PLCB1: variants seen among roughly 807,000 people sequenced by gnomAD.
PLCB1 encodes 1-phosphatidylinositol 4,5-bisphosphate phosphodiesterase beta-1.
A neutral mutation model predicts 161.8 loss-of-function variants in PLCB1; 46 were observed. The observed-to-expected ratio is 0.28, with a 90% CI of 0.22 to 0.36. The LOEUF (loss-of-function observed/expected upper bound fraction) is 0.36. Among genes scored for constraint, PLCB1 ranks in the 10% least tolerant of loss-of-function variants. PLCB1 has a pLI of 1.00. For missense variants in PLCB1, 1,016 were observed against 1,472.5 expected (o/e 0.69, Z 5.07); for synonymous variants, 517 against 503.7 (o/e 1.03, Z -0.35).
At position 8,607,672 on chromosome 20, in the gene PLCB1, ACTT is replaced by A. The variant is rs1261543808; in HGVS notation, c.247-20616_247-20614del. On this transcript the variant is annotated intron_variant, in intron 3 of 31. Transcript: ENST00000338037. ...TTACCCCATTTTATTTTCATCATTG[ACTT>A]CTTCTCTGAAATGTTCTTGTTCATT... 5.3e-5 allele frequency among the ~76,000 whole-genome samples: 8 copies of A among 151,992 alleles called. No individual in the cohort carries two copies. In the East Asian group the frequency reaches 9.7e-4, roughly 18 times the overall value.
chr20:8,331,260 C>G (rs1470841354), intron 2 of PLCB1, among the ~76,000 whole-genome samples: 6 of 151,904 alleles, frequency 3.9e-5, no homozygotes, highest in Non-Finnish European at 7.4e-5. Context: ...GTTTTACAGA[C>G]AAAGACTTGC....
Position 8,264,653 on chromosome 20 carries a change from A to G in PLCB1, c.178-106729A>G, listed in dbSNP as rs1371718330. On this transcript the variant is annotated intron_variant, in intron 2 of 31. Transcript: ENST00000338037. Reference sequence around the variant, plus strand: ...TAGGAATTTTTTCAGCTCTGTTATAATCTTATGGGACCACTATCATATAGG... The same window carrying G: ...TAGGAATTTTTTCAGCTCTGTTATAGTCTTATGGGACCACTATCATATAGG... 3.9e-5 allele frequency among the ~76,000 whole-genome samples: 6 copies of G among 152,068 alleles called. No homozygotes were observed. The East Asian group carries it at 1.2e-3, about 29-fold the overall frequency.
chr20:8,213,691 T>G (rs1285552172), intron 2 of PLCB1, among the ~76,000 whole-genome samples: 1 of 151,532 alleles, frequency 6.6e-6, no homozygotes, highest in Non-Finnish European at 1.5e-5. Context: ...GTGGTGGTGG[T>G]GGTGTGTGTG....
chr20:8,530,195 T>C (rs1338556788), intron 3 of PLCB1, among the ~76,000 whole-genome samples: 1 of 152,130 alleles, frequency 6.6e-6, no homozygotes. Context: ...TCTGTTGAGT[T>C]TCTTGGATTT....
chr20:8,344,411 A>G (rs140694574), intron 2 of PLCB1, among the ~76,000 whole-genome samples: 2 of 152,310 alleles, frequency 1.3e-5, no homozygotes, highest in African/African-American at 4.8e-5. Flanking sequence ...TTGGGTGGGA[A>G]CAGTCACTTT....
intron 2 of PLCB1, among the ~76,000 whole-genome samples, chr20:8,163,441 G>C (rs916710554): frequency 1.3e-5 from 2 of 152,182 alleles, no homozygotes; most frequent in Non-Finnish European, 2.9e-5. Context: ...CTGTCCGTTG[G>C]CATACATGAA....
At chr20:8,697,085 T>C (rs1990600612) in intron 10 of PLCB1, among the ~76,000 whole-genome samples, 1 of 152,202 alleles carries the variant, frequency 6.6e-6, no homozygotes, top group African/African-American at 2.4e-5. Context: ...GTTTAGCTTT[T>C]CTCAGCATTT....
intron 3 of PLCB1, among the ~76,000 whole-genome samples, chr20:8,373,268 C>G (rs1158047479): frequency 6.6e-6 from 1 of 152,016 alleles, no homozygotes; most frequent in Non-Finnish European, 1.5e-5. Flanking sequence ...CTATTTATTG[C>G]TGATGTTCAA....
At position 8,879,043 on chromosome 20, in the gene PLCB1, A is replaced by G. The variant is rs111931524; in HGVS notation, c.3424-2579A>G. Among the ~76,000 whole-genome samples the G allele has an allele frequency of 9.1e-3, 1,381 of 152,306 alleles. 13 individuals carry two copies. Among genetic ancestry groups the G allele is most frequent in the Non-Finnish European group, 0.016 (1,073 of 68,026 alleles). On this transcript the variant is annotated intron_variant, in intron 31 of 31. Transcript: ENST00000338037. ...ACCCAATGTTTAGCTCCCACTTATAAGTGAGACTGTGTGGTATTTGGTTTT... is the reference window on the plus strand; with the variant it reads ...ACCCAATGTTTAGCTCCCACTTATAGGTGAGACTGTGTGGTATTTGGTTTT...
intron 1 of PLCB1, among the ~76,000 whole-genome samples, chr20:8,137,740 T>G (rs1157323854): frequency 1.3e-5 from 2 of 152,346 alleles, no homozygotes; most frequent in East Asian, 3.9e-4. Context: ...AATTCCTGAG[T>G]GCTCTCTTCC....
At chr20:8,769,959 T>C (rs1185171609) in intron 26 of PLCB1, among the ~76,000 whole-genome samples, 1 of 152,004 alleles carries the variant, frequency 6.6e-6, no homozygotes, top group Non-Finnish European at 1.5e-5. Context: ...TTTTTTTTTG[T>C]TTTTTGTTTT....
chr20:8,477,453 G>T (rs963572366), intron 3 of PLCB1, among the ~76,000 whole-genome samples: 5 of 152,126 alleles, frequency 3.3e-5, no homozygotes, highest in African/African-American at 1.2e-4. Context: ...AAAATAATAA[G>T]GAGAGAACAC....
Position 8,681,956 on chromosome 20 carries a change from G to A in PLCB1, c.863-2976G>A, listed in dbSNP as rs149839222. ...AAAGCATCTAGTAGACACCAGGGAC[G>A]ACAAAGATACATGCACATTCAGCTT... On this transcript the variant is annotated intron_variant, in intron 9 of 31. Coordinates refer to ENST00000338037, the MANE Select transcript of PLCB1 (RefSeq NM_015192.4). Among the ~76,000 whole-genome samples, 50 of 152,220 alleles carry A rather than the reference G, an allele frequency of 3.3e-4. 1 individual carries two copies. The East Asian group carries it at 8.5e-3, about 26-fold the overall frequency.
chr20:8,511,376 T>A (rs897610541), intron 3 of PLCB1, among the ~76,000 whole-genome samples: 1 of 152,192 alleles, frequency 6.6e-6, no homozygotes, highest in Non-Finnish European at 1.5e-5. Context: ...CATTAACTGA[T>A]GAATGGAGAT....
chr20:8,802,492 G>T, intron 31 of PLCB1: 4 of 293,030 alleles, frequency 1.4e-5, no homozygotes, highest in Non-Finnish European at 1.9e-5. Flanking sequence ...TTTCTCTCTT[G>T]CACTCAGACT....
At chr20:8,319,991 T>A (rs1984835317) in intron 2 of PLCB1, among the ~76,000 whole-genome samples, 1 of 151,926 alleles carries the variant, frequency 6.6e-6, no homozygotes, top group African/African-American at 2.4e-5. Context: ...AAACTTAAAG[T>A]ATAATAATAA....
chr20:8,655,302 A>G (rs1187093445), intron 7 of PLCB1, among the ~76,000 whole-genome samples: 1 of 152,148 alleles, frequency 6.6e-6, no homozygotes, highest in Non-Finnish European at 1.5e-5. Context: ...ACACTTCTCA[A>G]TAAATTACAT....
At chr20:8,566,680 A>T (rs1186482626) in intron 3 of PLCB1, among the ~76,000 whole-genome samples, 1 of 152,166 alleles carries the variant, frequency 6.6e-6, no homozygotes, top group Admixed American at 6.6e-5. Flanking sequence ...GTTGTAACAT[A>T]AATTTAGTGC....
intron 3 of PLCB1, among the ~76,000 whole-genome samples, chr20:8,533,715 G>GT (rs1322029044): frequency 6.6e-6 from 1 of 150,834 alleles, no homozygotes; most frequent in South Asian, 2.1e-4. Flanking sequence ...GGGGTTGTTT[G>GT]TTTTTTTCTT....
Sources: allele counts gnomAD v4.1 joint callset (sites outside exome capture counted in the v4.1 genomes callset), GRCh38; gene constraint gnomAD v4.1.1; transcripts MANE v1.5; gene names NCBI Gene and HGNC (gene_info 2026-07-23, HGNC 2026-07-21).